SKI: variants seen among roughly 807,000 people sequenced by gnomAD.
The protein encoded by SKI is ski oncogene.
A neutral mutation model predicts 59.3 loss-of-function variants in SKI; 23 were observed. That is an observed-to-expected ratio of 0.39 (90% CI 0.28 to 0.55). The LOEUF (loss-of-function observed/expected upper bound fraction) is 0.55. Among genes scored for constraint, SKI ranks in the 20% least tolerant of loss-of-function variants. The pLI is 0.67. For synonymous variants in SKI, 673 were observed against 488.6 expected (o/e 1.38, Z -4.98); for missense variants, 1,017 against 1,038.9 (o/e 0.98, Z 0.29).
At chr1:2,283,609 G>A (rs1475375148) in intron 1 of SKI, among the ~76,000 whole-genome samples, 1 of 152,164 alleles carries the variant, frequency 6.6e-6, no homozygotes, top group Non-Finnish European at 1.5e-5. Context: ...GTGTCTCCAT[G>A]TTCAGGACAG....
chr1:2,306,627 G>A lies in SKI; in HGVS notation c.2049G>A (p.Gln683=). 2 of 1,545,056 alleles carry A rather than the reference G, an allele frequency of 1.3e-6. No individual in the cohort carries two copies. Among genetic ancestry groups the A allele is most frequent in the Non-Finnish European group, 8.7e-7 (1 of 1,145,484 alleles). ...AGCACGCGGAGGCGGACCGGGAGCA[G>A]CTGCGGGCCGACCTGCTGCGGGAGC... ...KLQHAEADRE[Q]LRADLLRERE... is the part of the protein sequence containing the mutation. The change falls in exon 7 of 7, where the codon CAG becomes CAA. Residue 683 remains glutamine (Q), a synonymous_variant. Transcript: ENST00000378536.
Position 2,229,531 on chromosome 1 carries a change from G to T in SKI, c.765G>T (p.Pro255=). The change falls in exon 1 of 7, where the codon CCG becomes CCT. Residue 255 remains proline (P), a synonymous_variant. Transcript: ENST00000378536. This position sits in a 1 kb window ranked among gnomAD's most constrained non-coding sequence, Gnocchi z 6.3. ...IQCLDCRLMY[P]PHKFVVHSHK... ...GCCTGGACTGCCGCCTCATGTACCC[G>T]CCGCACAAGTTCGTGGTGCACTCGC... 1 of 1,611,266 alleles carries T rather than the reference G, an allele frequency of 6.2e-7. No individual in the cohort carries two copies. The highest frequency in any genetic ancestry group is 8.5e-7 in the Non-Finnish European group (1 of 1,179,928).
chr1:2,291,603 TCCCCCACCCCCTCAGTCTCTGCAG>T (rs1640163573), intron 1 of SKI, among the ~76,000 whole-genome samples: 1 of 112,004 alleles, frequency 8.9e-6, no homozygotes, highest in Non-Finnish European at 2.2e-5. Context: ...AGCTGGGCCC[TCCCCCACCCCCTCAGTCTCTGCAG>T]CCCCCACCCT....
At chr1:2,250,411 G>A (rs1316984749) in intron 1 of SKI, among the ~76,000 whole-genome samples, 1 of 152,192 alleles carries the variant, frequency 6.6e-6, no homozygotes, top group African/African-American at 2.4e-5. Context: ...GCTGATGGAG[G>A]AGCAGGAAGT....
intron 1 of SKI, among the ~76,000 whole-genome samples, chr1:2,279,364 C>T (rs565510226): frequency 1.6e-4 from 25 of 152,308 alleles, no homozygotes; most frequent in African/African-American, 5.3e-4. Flanking sequence ...CGGGGCATCG[C>T]TTCATCCCTT....
At chr1:2,290,383 C>G (rs1466541722) in intron 1 of SKI, among the ~76,000 whole-genome samples, 1 of 152,134 alleles carries the variant, frequency 6.6e-6, no homozygotes, top group Admixed American at 6.5e-5. Flanking sequence ...CACTTGGGAA[C>G]TGAGGGGACA....
At chr1:2,255,619 G>T (rs1181574722) in intron 1 of SKI, among the ~76,000 whole-genome samples, 1 of 151,600 alleles carries the variant, frequency 6.6e-6, no homozygotes, top group East Asian at 1.9e-4. Flanking sequence ...AACATGCTGT[G>T]TCCTAACTGC....
rs1272781909 is a variant in SKI, at chr1:2,229,900, G to A, written c.969+165G>A. Among the ~76,000 whole-genome samples, 1 of 152,236 alleles carries A rather than the reference G, an allele frequency of 6.6e-6. No homozygotes were observed. Among genetic ancestry groups the A allele is most frequent in the Non-Finnish European group, 1.5e-5 (1 of 68,044 alleles). On this transcript the variant is annotated intron_variant, in intron 1 of 6. Transcript: ENST00000378536. The surrounding 1 kb of genome is among the most constrained non-coding windows in gnomAD (Gnocchi z 6.3). ...GAAATTCAGAGTGTTCCGACTGGCA[G>A]GGCCAGAGAGTTTGGTAGGAAGGCC...
intron 1 of SKI, among the ~76,000 whole-genome samples, chr1:2,261,659 C>G (rs1006120591): frequency 6.6e-6 from 1 of 152,266 alleles, no homozygotes; most frequent in Non-Finnish European, 1.5e-5. Context: ...ATTGGGTTTT[C>G]TGTGTAGATG....
intron 1 of SKI, among the ~76,000 whole-genome samples, chr1:2,238,578 C>A (rs916023962): frequency 7.2e-5 from 11 of 152,224 alleles, no homozygotes; most frequent in African/African-American, 2.7e-4. Context: ...GGGACTCTTG[C>A]CTGCCTGGTG....
intron 1 of SKI, among the ~76,000 whole-genome samples, chr1:2,277,772 C>T (rs1031320596): frequency 6.1e-5 from 9 of 147,410 alleles, no homozygotes; most frequent in Admixed American, 4.1e-4. Flanking sequence ...CATGGGCACA[C>T]GTGCACACAC....
intron 1 of SKI, among the ~76,000 whole-genome samples, chr1:2,234,672 G>A (rs567393018): frequency 6.6e-6 from 1 of 152,356 alleles, no homozygotes; most frequent in East Asian, 1.9e-4. Flanking sequence ...CCACGCCGGC[G>A]GCCCGGCTCT....
At position 2,229,282 on chromosome 1, in the gene SKI, C is replaced by G. The variant is rs182513685; in HGVS notation, c.516C>G (p.Pro172=). 1.4e-5 allele frequency: 23 copies of G among 1,595,382 alleles called. No individual in the cohort carries two copies. Among genetic ancestry groups the G allele is most frequent in the South Asian group, 1.3e-4 (12 of 89,068 alleles). Residue 172 remains proline, a synonymous_variant, in exon 1 of 7, where the codon CCC becomes CCG. Transcript: ENST00000378536. The surrounding 1 kb of genome is among the most constrained non-coding windows in gnomAD (Gnocchi z 6.3). The stretch of plus-strand genomic sequence containing the variant: ...TGGGCATCCTGCCCTTCTCGGCGCC[C>G]TCGTGCGGGCTCATCACCAAGACGG... ...KVMGILPFSA[P]SCGLITKTDA...
chr1:2,251,780 G>T (rs1639157236), intron 1 of SKI, among the ~76,000 whole-genome samples: 1 of 152,252 alleles, frequency 6.6e-6, no homozygotes, highest in Admixed American at 6.5e-5. Context: ...GAACCGCAAA[G>T]TATTTCTTTC....
intron 1 of SKI, among the ~76,000 whole-genome samples, chr1:2,251,722 C>T (rs1180282234): frequency 6.6e-6 from 1 of 152,238 alleles, no homozygotes; most frequent in East Asian, 1.9e-4. Context: ...GTTCACAGGT[C>T]TCAGCTGTGA....
chr1:2,306,677 AGGT>A lies in SKI; in HGVS notation c.2104_2106del (p.Val702del). 6.5e-7 allele frequency: 1 copy of A among 1,544,662 alleles called. No individual in the cohort carries two copies. Among genetic ancestry groups the A allele is most frequent in the Non-Finnish European group, 8.7e-7 (1 of 1,145,126 alleles). ...CGCGAGGCCCGGGAGCACCTGGAGA[AGGT>A]GGTGAAGGAGCTGCAGGAACAGCTG... is the stretch of plus-strand genomic sequence containing the variant. On this transcript the variant is annotated inframe_deletion, in exon 7 of 7. Coordinates refer to ENST00000378536, the MANE Select transcript of SKI (RefSeq NM_003036.4).
intron 1 of SKI, among the ~76,000 whole-genome samples, chr1:2,280,649 G>A (rs1207138206): frequency 1.2e-4 from 15 of 122,444 alleles, no homozygotes; most frequent in East Asian, 2.4e-4. Flanking sequence ...TTCAGAGAGA[G>A]GACACCCGAG....
chr1:2,271,571 C>T (rs1244263057), intron 1 of SKI, among the ~76,000 whole-genome samples: 1 of 152,046 alleles, frequency 6.6e-6, no homozygotes, highest in African/African-American at 2.4e-5. Flanking sequence ...GCTGCCCTGC[C>T]CCGGGCTGAC....
chr1:2,301,141 G>C (rs1025265366), intron 1 of SKI, among the ~76,000 whole-genome samples: 3 of 152,258 alleles, frequency 2.0e-5, no homozygotes, highest in Non-Finnish European at 4.4e-5. Flanking sequence ...GGGCGTCCTC[G>C]GCCTTCTGTG....
Sources: gnomAD v4.1 joint callset for allele counts (sites outside exome capture counted in the v4.1 genomes callset) on GRCh38, gnomAD v4.1.1 for gene constraint, Gnocchi (gnomAD v3.1) non-coding constraint, MANE v1.5 for transcripts, NCBI Gene and HGNC (gene_info 2026-07-23, HGNC 2026-07-21) for gene names.